CELF4: variants seen among roughly 807,000 people sequenced by gnomAD.
The protein encoded by CELF4 is CUGBP Elav-like family member 4.
Under a neutral mutation model 59.9 loss-of-function variants are expected in CELF4, and 18 were observed. The observed-to-expected ratio is 0.30, with a 90% CI of 0.21 to 0.45. CELF4 has a LOEUF of 0.45. CELF4 is among the 20% of genes least tolerant of loss of function. CELF4 has a pLI of 1.00. For synonymous variants in CELF4, 261 were observed against 267.1 expected, an observed-to-expected ratio of 0.98 and a Z score of 0.22; for missense variants, 456 against 689.0, an observed-to-expected ratio of 0.66 and a Z score of 3.79.
At chr18:37,267,318 G>A (rs1464590617) in intron 8 of CELF4, among the ~76,000 whole-genome samples, 1 of 152,240 alleles carries the variant, frequency 6.6e-6, no homozygotes, top group South Asian at 2.1e-4. Flanking sequence ...GAGGTCCCCT[G>A]TACAGATACT....
At chr18:37,353,923 T>C (rs369330443) in intron 2 of CELF4, among the ~76,000 whole-genome samples, 4 of 151,912 alleles carry the variant, frequency 2.6e-5, no homozygotes, top group South Asian at 4.2e-4. Context: ...GCCCAGCTAA[T>C]TTTTTGTATT....
At chr18:37,494,754 TC>T (rs1379145643) in intron 1 of CELF4, among the ~76,000 whole-genome samples, 1 of 152,082 alleles carries the variant, frequency 6.6e-6, no homozygotes, top group Non-Finnish European at 1.5e-5. Context: ...GTTCCTGCTT[TC>T]CCCTCCAGGA....
At chr18:37,425,786 A>G (rs2099608485) in intron 2 of CELF4, among the ~76,000 whole-genome samples, 1 of 152,224 alleles carries the variant, frequency 6.6e-6, no homozygotes, top group African/African-American at 2.4e-5. Context: ...CCCTTGGGCC[A>G]TGGTCCTTGC....
chr18:37,501,199 G>A (rs899973141), intron 1 of CELF4, among the ~76,000 whole-genome samples: 17 of 152,364 alleles, frequency 1.1e-4, no homozygotes, highest in Admixed American at 6.5e-4. Context: ...GAAGCTGCAC[G>A]TTAGCTCAGA....
chr18:37,279,469 C>A (rs56323844), intron 3 of CELF4, among the ~76,000 whole-genome samples: 37,000 of 152,134 alleles, frequency 0.24, 5,283 homozygotes, highest in Middle Eastern at 0.34. Context: ...ACCTGAGCTG[C>A]GGGGACTGAG....
chr18:37,550,086 G>C (rs1029119826), intron 1 of CELF4, among the ~76,000 whole-genome samples: 3 of 127,488 alleles, frequency 2.4e-5, no homozygotes, highest in African/African-American at 8.6e-5. Flanking sequence ...CAATGGGTGG[G>C]GGGGGGGGAT....
chr18:37,473,515 A>T (rs1245019707), intron 2 of CELF4: 1 of 152,198 alleles, frequency 6.6e-6, no homozygotes, highest in Non-Finnish European at 1.5e-5. Flanking sequence ...GGTAGCTGAA[A>T]TTTTATTCCC....
chr18:37,284,853 A>T (rs781464194), intron 3 of CELF4, among the ~76,000 whole-genome samples: 14 of 152,326 alleles, frequency 9.2e-5, no homozygotes, highest in Non-Finnish European at 1.9e-4. Flanking sequence ...AGAGAAGTTA[A>T]ATATCTTTCC....
chr18:37,301,963 T>C (rs1399781201), intron 3 of CELF4, among the ~76,000 whole-genome samples: 3 of 152,098 alleles, frequency 2.0e-5, no homozygotes, highest in African/African-American at 7.2e-5. Flanking sequence ...TGTCCAGACC[T>C]CCCGCCTGCT....
intron 2 of CELF4, among the ~76,000 whole-genome samples, chr18:37,402,583 C>T (rs1477079631): frequency 6.6e-6 from 1 of 152,150 alleles, no homozygotes; most frequent in Non-Finnish European, 1.5e-5. Context: ...AGGGTAGAAG[C>T]TCTTTGTCAT....
intron 2 of CELF4, among the ~76,000 whole-genome samples, chr18:37,401,900 C>A (rs1339423367): frequency 6.6e-6 from 1 of 152,238 alleles, no homozygotes; most frequent in Non-Finnish European, 1.5e-5. Flanking sequence ...CTGGCATGAT[C>A]CATAAGGAGG....
Position 37,253,209 on chromosome 18 carries a change from C to T in CELF4, c.*44+558G>A, listed in dbSNP as rs532116314. 6.6e-6 allele frequency among the ~76,000 whole-genome samples: 1 copy of T among 152,296 alleles called. No individual in the cohort carries two copies. The highest frequency in any genetic ancestry group is 2.1e-4 in the South Asian group (1 of 4,816). On this transcript the variant is annotated intron_variant, in intron 12 of 12. Transcript: ENST00000420428. This position sits in a 1 kb window ranked among gnomAD's most constrained non-coding sequence, Gnocchi z 4.5. The stretch of plus-strand genomic sequence containing the variant: ...ACCATCACCCTCCTCAGCTTTCATC[C>T]CATCCTGCTTTGTTTCTTAGTAAAG...
chr18:37,546,065 A>T (rs2099981324), intron 1 of CELF4, among the ~76,000 whole-genome samples: 1 of 152,032 alleles, frequency 6.6e-6, no homozygotes, highest in Non-Finnish European at 1.5e-5. Flanking sequence ...TCAAAAAGAC[A>T]CCCACGCTCA....
At chr18:37,501,048 T>TG (rs1255800766) in intron 1 of CELF4, among the ~76,000 whole-genome samples, 1 of 152,146 alleles carries the variant, frequency 6.6e-6, no homozygotes, top group Non-Finnish European at 1.5e-5. Flanking sequence ...ACGTGGGCCA[T>TG]GGCCAAGGAT....
intron 1 of CELF4, among the ~76,000 whole-genome samples, chr18:37,504,551 G>A (rs537650360): frequency 9.2e-5 from 14 of 151,450 alleles, no homozygotes; most frequent in East Asian, 5.8e-4. Context: ...TGCTTTCCTC[G>A]TCTGTAAAAT....
At chr18:37,293,738 T>C (rs1205856457) in intron 3 of CELF4, among the ~76,000 whole-genome samples, 9 of 152,158 alleles carry the variant, frequency 5.9e-5, no homozygotes, top group Admixed American at 4.6e-4. Context: ...AAATCTATGG[T>C]ATCCTAAGAG....
At chr18:37,354,576 G>A (rs938030246) in intron 2 of CELF4, among the ~76,000 whole-genome samples, 1 of 152,222 alleles carries the variant, frequency 6.6e-6, no homozygotes, top group African/African-American at 2.4e-5. Flanking sequence ...CTCAGCAAAC[G>A]CTTTTGAATT....
rs554304316 is a variant in CELF4 at position 37,393,440 on chromosome 18, C to T, written c.370-71559G>A. ...GAGGGGCTGCTCAGGAACTTGTGGA[C>T]GGGGTGGCTCAGGTTTTCAAGAAGC... On this transcript the variant is annotated intron_variant, in intron 2 of 12. Coordinates refer to ENST00000420428, the MANE Select transcript of CELF4 (RefSeq NM_020180.4). Among the ~76,000 whole-genome samples, 8 of 152,338 alleles carry T rather than the reference C, an allele frequency of 5.3e-5. No individual in the cohort carries two copies. In the East Asian group the frequency reaches 1.2e-3, roughly 22 times the overall value.
chr18:37,460,714 T>A (rs1200931633), intron 2 of CELF4, among the ~76,000 whole-genome samples: 2 of 152,252 alleles, frequency 1.3e-5, no homozygotes, highest in African/African-American at 4.8e-5. Flanking sequence ...GCTGCAATTA[T>A]CACAGGAACT....
Sources: allele counts gnomAD v4.1 joint callset (sites outside exome capture counted in the v4.1 genomes callset), GRCh38; gene constraint gnomAD v4.1.1; non-coding constraint Gnocchi (gnomAD v3.1); transcripts MANE v1.5; gene names NCBI Gene and HGNC (gene_info 2026-07-23, HGNC 2026-07-21).